Variants in CSNK1G1 observed in about 807,000 individuals in gnomAD.
The protein encoded by CSNK1G1 is casein kinase I isoform gamma-1.
In CSNK1G1, 22 loss-of-function variants were observed where a neutral mutation model predicts 59.6. The ratio of observed to expected loss-of-function variants is 0.37; its 90% confidence interval spans 0.26 to 0.53. The LOEUF (loss-of-function observed/expected upper bound fraction) is 0.53. Ranked by LOEUF, CSNK1G1 falls within the 20% of genes least tolerant of loss-of-function variation. The pLI, the probability that CSNK1G1 is intolerant of heterozygous loss-of-function variation, is 0.89. For missense variants in CSNK1G1, 384 were observed against 519.5 expected, an observed-to-expected ratio of 0.74 and a Z score of 2.54; for synonymous variants, 179 against 177.1, an observed-to-expected ratio of 1.01 and a Z score of -0.08.
intron 1 of CSNK1G1, among the ~76,000 whole-genome samples, chr15:64,307,366 C>T (rs1224508431): frequency 6.6e-6 from 1 of 151,996 alleles, no homozygotes; most frequent in African/African-American, 2.4e-5. Flanking sequence ...AAAAAAGCAA[C>T]AAGAAACTTA....
intron 4 of CSNK1G1, among the ~76,000 whole-genome samples, chr15:64,245,768 A>G (rs1891718228): frequency 6.6e-6 from 1 of 151,922 alleles, no homozygotes; most frequent in African/African-American, 2.4e-5. Flanking sequence ...AAAAAGACAC[A>G]CACACAAAAA....
intron 11 of CSNK1G1, among the ~76,000 whole-genome samples, chr15:64,173,794 A>G (rs928450336): frequency 2.6e-5 from 4 of 151,516 alleles, no homozygotes; most frequent in Middle Eastern, 6.8e-3. Context: ...TTGTATTTTT[A>G]GTAGAGACGG....
At position 64,176,151 on chromosome 15, in the gene CSNK1G1, A is replaced by G; in HGVS notation, c.1215-4166T>C. The G allele has an allele frequency of 2.5e-6, 1 of 398,246 alleles. No individual in the cohort carries two copies. Among genetic ancestry groups the G allele is most frequent in the Non-Finnish European group, 4.4e-6 (1 of 225,992 alleles). 24.7% of individuals were successfully genotyped at this position (398,246 alleles called of 1,614,324 possible). A position where few individuals can be genotyped will look rare whatever the true frequency, so the allele number is the denominator to read the frequency against. On this transcript the variant is annotated intron_variant, in intron 11 of 11. Transcript: ENST00000303052. The surrounding 1 kb of genome is among the most constrained non-coding windows in gnomAD (Gnocchi z 5.2). ...TCCCCAGTCAGGGTGGTTATGGCAC[A>G]AGGAGTCCTATGGAAGCTATTTAAT...
rs1041078255 is a variant in CSNK1G1 at position 64,170,638 on chromosome 15, T to A, written c.*1293A>T. On this transcript the variant is annotated 3_prime_UTR_variant, in exon 12 of 12. Transcript: ENST00000303052. ...GTCCCTCTGGCAGGTGGAAGGCAGGTTCACTGTCCTCTTTTTTTCCACTAA... is the reference window on the plus strand; with the variant it reads ...GTCCCTCTGGCAGGTGGAAGGCAGGATCACTGTCCTCTTTTTTTCCACTAA... The A allele has an allele frequency of 2.0e-5, 3 of 152,606 alleles. No homozygotes were observed. The highest frequency in any genetic ancestry group is 4.4e-5 in the Non-Finnish European group (3 of 68,044). The allele number at this position is 152,606 out of a possible 1,614,324, so 9.5% of individuals were successfully genotyped here. A position where few individuals can be genotyped will look rare whatever the true frequency, so the allele number is the denominator to read the frequency against.
Position 64,166,228 on chromosome 15 carries a change from G to A in CSNK1G1, c.*5703C>T. On this transcript the variant is annotated 3_prime_UTR_variant, in exon 12 of 12. Transcript: ENST00000303052. The surrounding 1 kb of genome is among the most constrained non-coding windows in gnomAD (Gnocchi z 4.5). Reference sequence around the variant, plus strand: ...CCAACATCTTTTTAAGAGTACAATGGGCAAAGATCAAAGACAGATAAATAA... The same window carrying A: ...CCAACATCTTTTTAAGAGTACAATGAGCAAAGATCAAAGACAGATAAATAA... The A allele has an allele frequency of 2.3e-6, 1 of 429,132 alleles. No individual in the cohort carries two copies. Among genetic ancestry groups the A allele is most frequent in the South Asian group, 6.1e-5 (1 of 16,412 alleles). 26.6% of individuals were successfully genotyped at this position (429,132 alleles called of 1,614,324 possible). A position where few individuals can be genotyped will look rare whatever the true frequency, so the allele number is the denominator to read the frequency against.
At chr15:64,294,158 C>T (rs1451967371) in intron 2 of CSNK1G1, among the ~76,000 whole-genome samples, 1 of 152,172 alleles carries the variant, frequency 6.6e-6, no homozygotes, top group African/African-American at 2.4e-5. Context: ...CTGCAACCTC[C>T]ATCTCCCAGG....
chr15:64,305,754 C>CA, intron 1 of CSNK1G1, among the ~76,000 whole-genome samples: 1 of 120,718 alleles, frequency 8.3e-6, no homozygotes, highest in Middle Eastern at 4.2e-3. Context: ...CTACAGTACT[C>CA]AAGACAGTGT....
intron 2 of CSNK1G1, among the ~76,000 whole-genome samples, chr15:64,267,922 C>T (rs1893071690): frequency 6.6e-6 from 1 of 151,948 alleles, no homozygotes; most frequent in Non-Finnish European, 1.5e-5. Flanking sequence ...CAAGACCAGC[C>T]TGAACAACAT....
chr15:64,248,603 G>C (rs1046872991), intron 4 of CSNK1G1, among the ~76,000 whole-genome samples: 1 of 152,118 alleles, frequency 6.6e-6, no homozygotes, highest in Admixed American at 6.5e-5. Flanking sequence ...TAAAAAAATA[G>C]TCAATGCCTA....
rs2082237384 is a variant in CSNK1G1 at position 64,210,550 on chromosome 15, T to C, written c.680-2956A>G. 6.6e-6 allele frequency among the ~76,000 whole-genome samples: 1 copy of C among 152,234 alleles called. No individual in the cohort carries two copies. The highest frequency in any genetic ancestry group is 1.5e-5 in the Non-Finnish European group (1 of 68,048). On this transcript the variant is annotated intron_variant, in intron 6 of 11. Coordinates refer to ENST00000303052, the MANE Select transcript of CSNK1G1 (RefSeq NM_022048.5). The surrounding 1 kb of genome is among the most constrained non-coding windows in gnomAD (Gnocchi z 4.2). ...AAATTCTTCAATTCTTCTGATTGGT[T>C]GAAAGGTGTGCTTTCATCCAATCAG...
chr15:64,188,997 A>C lies in CSNK1G1; in HGVS notation c.1108-8543T>G, dbSNP rs962119870. Among the ~76,000 whole-genome samples the C allele has an allele frequency of 2.6e-5, 4 of 152,092 alleles. No individual in the cohort carries two copies. Among genetic ancestry groups the C allele is most frequent in the Non-Finnish European group, 4.4e-5 (3 of 68,008 alleles). ...AAAAATGAGCTGGGCATGGTGGCGCACACCTGTGATCCCAGCTACTCGGGA... is the reference window on the plus strand; with the variant it reads ...AAAAATGAGCTGGGCATGGTGGCGCCCACCTGTGATCCCAGCTACTCGGGA... On this transcript the variant is annotated intron_variant, in intron 10 of 11. Transcript: ENST00000303052. This position sits in a 1 kb window ranked among gnomAD's most constrained non-coding sequence, Gnocchi z 4.2.
chr15:64,197,983 TAAAAGCATGTCAA>T (rs1285448987), intron 10 of CSNK1G1, among the ~76,000 whole-genome samples: 1 of 152,034 alleles, frequency 6.6e-6, no homozygotes, highest in African/African-American at 2.4e-5. Context: ...TTAATTCTGC[TAAAAGCATGTCAA>T]ATGCAGCTTC....
At chr15:64,178,546 A>G (rs1213703941) in intron 11 of CSNK1G1, among the ~76,000 whole-genome samples, 1 of 150,502 alleles carries the variant, frequency 6.6e-6, no homozygotes, top group Non-Finnish European at 1.5e-5. Flanking sequence ...CGGTGGCACA[A>G]TCTCGACTCA....
chr15:64,332,839 A>C (rs1897187534), intron 1 of CSNK1G1, among the ~76,000 whole-genome samples: 1 of 152,160 alleles, frequency 6.6e-6, no homozygotes, highest in Non-Finnish European at 1.5e-5. Context: ...TTTTAAAAGA[A>C]TTTTTAGCCC....
At chr15:64,221,775 A>G (rs1212874109) in intron 4 of CSNK1G1, among the ~76,000 whole-genome samples, 2 of 152,044 alleles carry the variant, frequency 1.3e-5, no homozygotes, top group African/African-American at 4.8e-5. Context: ...GTCAGGAAAC[A>G]ACAGATGCTG....
chr15:64,254,142 A>G (rs72756959), intron 3 of CSNK1G1, among the ~76,000 whole-genome samples: 6,700 of 152,152 alleles, frequency 0.044, 191 homozygotes, highest in South Asian at 0.085. Context: ...TCCGTCTCCA[A>G]AAAAACAAAC....
rs1356153746 is a variant in CSNK1G1 at position 64,346,386 on chromosome 15, G to A, written c.-225+9602C>T. On this transcript the variant is annotated intron_variant, in intron 1 of 11. Coordinates refer to ENST00000303052, the MANE Select transcript of CSNK1G1 (RefSeq NM_022048.5). ...ATAAAAAATTCTTGAAGATAAATAG[G>A]AGAAAATGTAAGTGACCTTGGGTTT... Among the ~76,000 whole-genome samples, 5 of 150,870 alleles carry A rather than the reference G, an allele frequency of 3.3e-5. No individual in the cohort carries two copies. The East Asian group carries it at 7.8e-4, about 23-fold the overall frequency.
intron 1 of CSNK1G1, among the ~76,000 whole-genome samples, chr15:64,331,941 C>G (rs1280563025): frequency 3.4e-4 from 50 of 148,188 alleles, no homozygotes; most frequent in South Asian, 1.1e-3. Context: ...CATCACTGGC[C>G]ATCAGAGAAA....
At chr15:64,325,616 C>T (rs1958289026) in intron 1 of CSNK1G1, among the ~76,000 whole-genome samples, 1 of 152,296 alleles carries the variant, frequency 6.6e-6, no homozygotes, top group Admixed American at 6.5e-5. Flanking sequence ...ATAATTATAA[C>T]TACCTTTAAC....
Sources: allele counts gnomAD v4.1 joint callset (sites outside exome capture counted in the v4.1 genomes callset), GRCh38; gene constraint gnomAD v4.1.1; non-coding constraint Gnocchi (gnomAD v3.1); transcripts MANE v1.5; gene names NCBI Gene and HGNC (gene_info 2026-07-23, HGNC 2026-07-21).